The following TTC28 variants were observed in gnomAD, a reference collection of about 807,000 sequenced individuals.
TTC28 encodes the protein tetratricopeptide repeat domain 28, also known as tetratricopeptide repeat protein 28.
In TTC28, 61 loss-of-function variants were observed where a neutral mutation model predicts 198.0. The observed-to-expected ratio is 0.31, with a 90% CI of 0.25 to 0.38. TTC28 has a LOEUF of 0.38. Among genes scored for constraint, TTC28 ranks in the 10% least tolerant of loss-of-function variants. TTC28 has a pLI of 1.00. For synonymous variants in TTC28, 1,171 were observed against 1,297.8 expected, an observed-to-expected ratio of 0.90 and a Z score of 2.10; for missense variants, 2,678 against 3,164.0, an observed-to-expected ratio of 0.85 and a Z score of 3.69.
At chr22:28,136,345 T>A (rs1342456778) in intron 6 of TTC28, among the ~76,000 whole-genome samples, 1 of 152,052 alleles carries the variant, frequency 6.6e-6, no homozygotes, top group Admixed American at 6.6e-5. Context: ...TGAGGTCTCA[T>A]TATGTTGCCT....
Position 27,983,866 on chromosome 22 carries a change from C to T in TTC28, c.5816-15G>A, listed in dbSNP as rs963410506. 7 of 1,535,788 alleles carry T rather than the reference C, an allele frequency of 4.6e-6. No individual in the cohort carries two copies. Among genetic ancestry groups the T allele is most frequent in the Admixed American group, 2.2e-5 (1 of 45,856 alleles). Reference sequence around the variant, plus strand: ...CTCAGTAGAATCTAAGCACAAAACACAAGGGCCCCAAGGACAGTTAGAATT... The same window carrying T: ...CTCAGTAGAATCTAAGCACAAAACATAAGGGCCCCAAGGACAGTTAGAATT... On this transcript the variant is annotated splice_polypyrimidine_tract_variant and intron_variant, in intron 22 of 22. Transcript: ENST00000397906.
At chr22:28,313,992 C>T (rs2145830621) in intron 2 of TTC28, among the ~76,000 whole-genome samples, 1 of 152,274 alleles carries the variant, frequency 6.6e-6, no homozygotes, top group East Asian at 1.9e-4. Flanking sequence ...CCTCCTTAAG[C>T]TGATAAGCAA....
intron 5 of TTC28, among the ~76,000 whole-genome samples, chr22:28,172,387 T>C (rs542368365): frequency 6.6e-6 from 1 of 152,146 alleles, no homozygotes; most frequent in Non-Finnish European, 1.5e-5. Context: ...GTAGATCTGG[T>C]TGGAGGCAAT....
intron 2 of TTC28, among the ~76,000 whole-genome samples, chr22:28,616,846 C>CAAAAAAA: frequency 7.5e-6 from 1 of 132,506 alleles, no homozygotes; most frequent in Non-Finnish European, 1.6e-5. Context: ...GACCCTGTCT[C>CAAAAAAA]AAAAAAAAAA....
intron 2 of TTC28, among the ~76,000 whole-genome samples, chr22:28,513,966 C>T (rs1424699208): frequency 1.3e-5 from 2 of 151,986 alleles, no homozygotes. Flanking sequence ...ACTGTTATAA[C>T]AGGCAGTCTT....
intron 2 of TTC28, among the ~76,000 whole-genome samples, chr22:28,331,683 A>G (rs2045618869): frequency 6.6e-6 from 1 of 151,974 alleles, no homozygotes; most frequent in Admixed American, 6.6e-5. Context: ...TATTCATTAA[A>G]CTCAGTGTCT....
intron 2 of TTC28, among the ~76,000 whole-genome samples, chr22:28,488,698 G>A (rs1156906837): frequency 6.6e-6 from 1 of 152,064 alleles, no homozygotes; most frequent in Non-Finnish European, 1.5e-5. Context: ...TTGTAGGTAA[G>A]GGAAAGCTCT....
intron 6 of TTC28, among the ~76,000 whole-genome samples, chr22:28,148,828 T>C (rs1025063032): frequency 1.3e-5 from 2 of 152,080 alleles, no homozygotes; most frequent in South Asian, 2.1e-4. Flanking sequence ...AGGAATGATA[T>C]CTAGACTTAA....
chr22:28,574,356 TGTGTGTGTGTGTGTGTGTGTTGTGTGTGA>T (rs1440738940), intron 2 of TTC28, among the ~76,000 whole-genome samples: 3 of 147,936 alleles, frequency 2.0e-5, no homozygotes, highest in East Asian at 3.9e-4. Context: ...CCACTGTTTG[TGTGTGTGTGTGTGTGTGTGTTGTGTGTGA>T]GTGTGTGTGT....
At position 27,982,637 on chromosome 22, in the gene TTC28, T is replaced by C. The variant is rs1210263208; in HGVS notation, c.7030A>G (p.Lys2344Glu). ...SSPADAPDID[K>E]LKMAAIDEKV... The stretch of plus-strand genomic sequence containing the variant: ...TCATCAATGGCTGCCATTTTCAGTT[T>C]GTCTATGTCGGGAGCGTCTGCTGGA... Residue 2344 changes from lysine to glutamate, a missense_variant, in exon 23 of 23, where the codon AAA (lysine) becomes GAA (glutamate). Physicochemically the swap from Lys to Glu is moderately conservative, Grantham distance 56 (BLOSUM62 1). Coordinates refer to ENST00000397906, the MANE Select transcript of TTC28 (RefSeq NM_001145418.2). The surrounding 1 kb of genome is among the most constrained non-coding windows in gnomAD (Gnocchi z 5.2). 2 of 1,551,672 alleles carry C rather than the reference T, an allele frequency of 1.3e-6. No individual in the cohort carries two copies. The highest frequency in any genetic ancestry group is 3.9e-5 in the Admixed American group (2 of 51,002).
chr22:28,257,975 T>C (rs1931072624), intron 5 of TTC28, among the ~76,000 whole-genome samples: 2 of 151,812 alleles, frequency 1.3e-5, no homozygotes, highest in African/African-American at 4.8e-5. Flanking sequence ...GAAAAAACTA[T>C]GGAGTAAAAG....
chr22:28,103,051 T>G (rs1162196309), intron 8 of TTC28, among the ~76,000 whole-genome samples: 2 of 152,180 alleles, frequency 1.3e-5, no homozygotes, highest in African/African-American at 4.8e-5. Flanking sequence ...CCATGTTCTA[T>G]GAAAACAGGG....
At chr22:28,635,928 T>C (rs1256865295) in intron 1 of TTC28, among the ~76,000 whole-genome samples, 1 of 151,990 alleles carries the variant, frequency 6.6e-6, no homozygotes, top group Non-Finnish European at 1.5e-5. Context: ...AGCTGAAGAT[T>C]TGTACCCCTT....
At chr22:28,150,465 A>C (rs1318461523) in intron 6 of TTC28, among the ~76,000 whole-genome samples, 3 of 152,086 alleles carry the variant, frequency 2.0e-5, no homozygotes, top group Non-Finnish European at 4.4e-5. Context: ...TGTTATTTTG[A>C]TTTTCTCAAA....
intron 2 of TTC28, among the ~76,000 whole-genome samples, chr22:28,344,313 T>C (rs2045875582): frequency 6.6e-6 from 1 of 152,080 alleles, no homozygotes; most frequent in African/African-American, 2.4e-5. Context: ...TAAAATATTC[T>C]CAACTCAATA....
In TTC28 at chr22:27,993,329, C is replaced by A; in HGVS notation, c.5434G>T (p.Asp1812Tyr). 2 of 1,549,050 alleles carry A rather than the reference C, an allele frequency of 1.3e-6. No individual in the cohort carries two copies. The highest frequency in any genetic ancestry group is 1.7e-6 in the Non-Finnish European group (2 of 1,146,578). Residue 1812 changes from aspartate (D) to tyrosine (Y), a missense_variant, in exon 18 of 23, where the codon GAC (aspartate) becomes TAC (tyrosine). Physicochemically the swap from Asp to Tyr is radical, Grantham distance 160. Transcript: ENST00000397906. Reference sequence around the variant, plus strand: ...GTGCTGCTGCACTGCTGGAGCCGGTCGCCCGGGTCGGAGGTTGGGAAGAAG... The same window carrying A: ...GTGCTGCTGCACTGCTGGAGCCGGTAGCCCGGGTCGGAGGTTGGGAAGAAG... ...AVFFPTSDPG[D>Y]RLQQCSSTLQ...
At chr22:28,600,175 G>T (rs985001634) in intron 2 of TTC28, among the ~76,000 whole-genome samples, 1 of 152,066 alleles carries the variant, frequency 6.6e-6, no homozygotes, top group Non-Finnish European at 1.5e-5. Flanking sequence ...CAAGAGGGAT[G>T]CTTGAATCCA....
intron 6 of TTC28, among the ~76,000 whole-genome samples, chr22:28,118,112 T>C (rs1942682148): frequency 6.6e-6 from 1 of 152,052 alleles, no homozygotes; most frequent in South Asian, 2.1e-4. Flanking sequence ...AAAAAAAGAA[T>C]TATGGGCCAG....
chr22:28,417,116 C>T (rs940302923), intron 2 of TTC28, among the ~76,000 whole-genome samples: 3 of 151,668 alleles, frequency 2.0e-5, no homozygotes, highest in Non-Finnish European at 2.9e-5. Flanking sequence ...TGTTGAGGCA[C>T]GGTGACTCAC....
Sources: allele counts gnomAD v4.1 joint callset (sites outside exome capture counted in the v4.1 genomes callset), GRCh38; gene constraint gnomAD v4.1.1; non-coding constraint Gnocchi (gnomAD v3.1); transcripts MANE v1.5; gene names NCBI Gene and HGNC (gene_info 2026-07-23, HGNC 2026-07-21).